The following SFMBT2 variants were observed in gnomAD, a reference collection of about 807,000 sequenced individuals.
SFMBT2 encodes the protein scm-like with four MBT domains protein 2.
Under a neutral mutation model 110.1 loss-of-function variants are expected in SFMBT2, and 38 were observed. The observed-to-expected ratio is 0.35, with a 90% CI of 0.27 to 0.45. The LOEUF is 0.45. SFMBT2 is among the 20% of genes least tolerant of loss of function. The pLI is 1.00. For missense variants in SFMBT2, 1,011 were observed against 1,094.9 expected, an observed-to-expected ratio of 0.92 and a Z score of 1.08; for synonymous variants, 425 against 425.4, an observed-to-expected ratio of 1.00 and a Z score of 0.01.
intron 7 of SFMBT2, among the ~76,000 whole-genome samples, chr10:7,266,086 T>C (rs1049415143): frequency 2.6e-5 from 4 of 151,806 alleles, no homozygotes; most frequent in African/African-American, 9.7e-5. Context: ...AGTGCGGTTT[T>C]CTTTCCTTTT....
intron 15 of SFMBT2, among the ~76,000 whole-genome samples, chr10:7,189,582 G>A (rs546151788): frequency 2.0e-5 from 3 of 152,334 alleles, no homozygotes; most frequent in Admixed American, 2.0e-4. Context: ...CTGCTGTTTG[G>A]ATAAAGACCT....
At chr10:7,261,572 T>C (rs1457504234) in intron 7 of SFMBT2, among the ~76,000 whole-genome samples, 1 of 152,228 alleles carries the variant, frequency 6.6e-6, no homozygotes, top group Non-Finnish European at 1.5e-5. Flanking sequence ...TGGATGGATT[T>C]ACTTTTAGGA....
At chr10:7,235,098 G>A (rs10795536) in intron 9 of SFMBT2, among the ~76,000 whole-genome samples, 39,442 of 152,096 alleles carry the variant, frequency 0.26, 5,319 homozygotes, top group South Asian at 0.38. Context: ...AATTCCGTGG[G>A]ACACAGACTG....
chr10:7,289,478 C>T (rs1337354258), intron 4 of SFMBT2, among the ~76,000 whole-genome samples: 5 of 152,196 alleles, frequency 3.3e-5, no homozygotes, highest in East Asian at 1.9e-4. Context: ...TTACATCTTG[C>T]GAGCCTCAAG....
intron 16 of SFMBT2, among the ~76,000 whole-genome samples, chr10:7,187,562 C>A (rs1838456666): frequency 6.6e-6 from 1 of 152,134 alleles, no homozygotes; most frequent in Non-Finnish European, 1.5e-5. Context: ...TATGATTAGA[C>A]CATAAATAAG....
intron 11 of SFMBT2, chr10:7,215,766 C>T (rs1190171432): frequency 6.1e-6 from 6 of 980,938 alleles, no homozygotes; most frequent in Non-Finnish European, 6.1e-6. Flanking sequence ...TGCTTCCCTC[C>T]TCCTTCCCTG....
intron 4 of SFMBT2, among the ~76,000 whole-genome samples, chr10:7,346,548 G>A (rs960127247): frequency 1.3e-5 from 2 of 152,028 alleles, no homozygotes; most frequent in African/African-American, 2.4e-5. Context: ...AATCTACACT[G>A]GTGTATCAAC....
chr10:7,349,942 T>A (rs555318248), intron 4 of SFMBT2, among the ~76,000 whole-genome samples: 1 of 152,136 alleles, frequency 6.6e-6, no homozygotes, highest in East Asian at 1.9e-4. Context: ...GGAAGCCAAC[T>A]CTCAAAGAGG....
At chr10:7,245,102 G>A (rs1840564790) in intron 8 of SFMBT2, among the ~76,000 whole-genome samples, 2 of 152,188 alleles carry the variant, frequency 1.3e-5, no homozygotes, top group South Asian at 2.1e-4. Context: ...CTAACACCAA[G>A]GCCTCCTGGG....
At chr10:7,392,738 T>C (rs1166355514) in intron 1 of SFMBT2, among the ~76,000 whole-genome samples, 1 of 151,950 alleles carries the variant, frequency 6.6e-6, no homozygotes, top group African/African-American at 2.4e-5. Flanking sequence ...CTTAGTCAGA[T>C]CTATCAATTT....
intron 7 of SFMBT2, among the ~76,000 whole-genome samples, chr10:7,252,919 AG>A (rs1840859563): frequency 6.6e-6 from 1 of 152,090 alleles, no homozygotes; most frequent in African/African-American, 2.4e-5. Context: ...ATAATTAGAG[AG>A]GGTTGTAAGT....
In SFMBT2 at chr10:7,273,172, G is replaced by A. The variant is rs1001234800; in HGVS notation, c.870+3720C>T. On this transcript the variant is annotated intron_variant, in intron 7 of 20. Transcript: ENST00000397167. ...CACACAAACTATCAATAAAGTATAT[G>A]GATAAGACAGACATTTTTAGCCACT... Among the ~76,000 whole-genome samples the A allele has an allele frequency of 6.6e-5, 10 of 152,304 alleles. No individual in the cohort carries two copies. The East Asian group carries it at 1.3e-3, about 21-fold the overall frequency.
chr10:7,225,759 AAG>A (rs1186334229), intron 10 of SFMBT2, among the ~76,000 whole-genome samples: 3 of 152,206 alleles, frequency 2.0e-5, no homozygotes, highest in Non-Finnish European at 2.9e-5. Context: ...TATAGAATGA[AAG>A]AGAGAGAGAA....
chr10:7,241,804 A>C (rs1924504), intron 9 of SFMBT2, among the ~76,000 whole-genome samples: 72,387 of 151,964 alleles, frequency 0.48, 18,012 homozygotes, highest in East Asian at 0.86. Context: ...AAAATTCTGA[A>C]AACATTGACA....
intron 9 of SFMBT2, among the ~76,000 whole-genome samples, chr10:7,238,470 T>C (rs1473969777): frequency 6.6e-6 from 1 of 152,184 alleles, no homozygotes; most frequent in Admixed American, 6.5e-5. Context: ...TCTGCCCCCT[T>C]TGGTATGTCT....
chr10:7,393,541 C>G (rs1414012313), intron 1 of SFMBT2, among the ~76,000 whole-genome samples: 1 of 152,174 alleles, frequency 6.6e-6, no homozygotes, highest in Non-Finnish European at 1.5e-5. Flanking sequence ...AGGCATTCTA[C>G]TGTGAGCAGA....
chr10:7,272,267 G>T (rs934913901), intron 7 of SFMBT2, among the ~76,000 whole-genome samples: 15 of 152,084 alleles, frequency 9.9e-5, no homozygotes, highest in African/African-American at 3.6e-4. Context: ...ACAGTCCAGA[G>T]ACTTTTTTTA....
At chr10:7,295,689 T>C (rs1455698839) in intron 4 of SFMBT2, among the ~76,000 whole-genome samples, 1 of 152,260 alleles carries the variant, frequency 6.6e-6, no homozygotes, top group Non-Finnish European at 1.5e-5. Flanking sequence ...ATTATCACTT[T>C]CAGTGTTCGT....
In SFMBT2 at chr10:7,189,184, T is replaced by C. The variant is rs895597986; in HGVS notation, c.1699-451A>G. 2.7e-4 allele frequency: 268 copies of C among 985,442 alleles called. No individual in the cohort carries two copies. In the Admixed American group the frequency reaches 2.8e-3, roughly 10 times the overall value. The allele number at this position is 985,442 out of a possible 1,614,324, so 61.0% of individuals were successfully genotyped here. On this transcript the variant is annotated intron_variant, in intron 15 of 20. Transcript: ENST00000397167. ...CCAACACTTCTGGAGAGGCTTCACA[T>C]GCTTGCAAGGAGGGTAACAAATTGT... is the stretch of plus-strand genomic sequence containing the variant.
Sources: allele counts gnomAD v4.1 joint callset (sites outside exome capture counted in the v4.1 genomes callset), GRCh38; gene constraint gnomAD v4.1.1; transcripts MANE v1.5; gene names NCBI Gene and HGNC (gene_info 2026-07-23, HGNC 2026-07-21).